DTNB: variants seen among roughly 807,000 people sequenced by gnomAD.
DTNB encodes dystrobrevin beta.
DTNB carries 63 observed loss-of-function variants against 90.7 expected under a neutral mutation model. The observed-to-expected ratio is 0.69, with a 90% CI of 0.57 to 0.86. The LOEUF (loss-of-function observed/expected upper bound fraction) is 0.86. Among genes scored for constraint, DTNB ranks in the 40% least tolerant of loss-of-function variants. The probability of loss-of-function intolerance (pLI) is 0.00; values close to 1 mark genes in which losing one functional copy is unlikely to be tolerated. For synonymous variants in DTNB, 277 were observed against 286.7 expected (o/e 0.97, Z 0.34); for missense variants, 744 against 807.1 (o/e 0.92, Z 0.95).
chr2:25,515,012 A>G (rs2074781549), intron 9 of DTNB, among the ~76,000 whole-genome samples: 1 of 152,164 alleles, frequency 6.6e-6, no homozygotes, highest in Non-Finnish European at 1.5e-5. Context: ...TTTCATTGAC[A>G]TTATTATCAT....
At chr2:25,439,503 AAAT>A (rs1371239829) in intron 12 of DTNB, among the ~76,000 whole-genome samples, 1 of 152,172 alleles carries the variant, frequency 6.6e-6, no homozygotes, top group Non-Finnish European at 1.5e-5. Flanking sequence ...CCCCGTCTCA[AAAT>A]AATAATAGGG....
chr2:25,605,384 A>G (rs1045474149), intron 5 of DTNB, among the ~76,000 whole-genome samples: 3 of 152,186 alleles, frequency 2.0e-5, no homozygotes, highest in Non-Finnish European at 2.9e-5. Flanking sequence ...GCACCACTTC[A>G]ATCTTGGTCA....
chr2:25,581,655 G>A (rs907989000), intron 6 of DTNB, among the ~76,000 whole-genome samples: 5 of 152,208 alleles, frequency 3.3e-5, no homozygotes, highest in African/African-American at 1.2e-4. Context: ...TAGAAATAGA[G>A]TTATATGATA....
At chr2:25,597,607 A>T (rs1233389004) in intron 5 of DTNB, among the ~76,000 whole-genome samples, 1 of 152,220 alleles carries the variant, frequency 6.6e-6, no homozygotes, top group African/African-American at 2.4e-5. Flanking sequence ...GAAAATCTTC[A>T]GTGTGTCCTC....
chr2:25,409,643 T>G (rs552767940), intron 16 of DTNB, among the ~76,000 whole-genome samples: 2 of 152,352 alleles, frequency 1.3e-5, no homozygotes, highest in African/African-American at 4.8e-5. Context: ...CCTAAGTTGC[T>G]GATAACTTCC....
intron 16 of DTNB, chr2:25,399,364 T>TTTTTTTTTTTTTTTTTTAC (rs70947887): frequency 6.7e-6 from 1 of 149,630 alleles, no homozygotes; most frequent in African/African-American, 2.5e-5. Flanking sequence ...TTTTTTTTTT[T>TTTTTTTTTTTTTTTTTTAC]AGACAGGATC....
At chr2:25,408,868 T>C (rs1290822605) in intron 16 of DTNB, among the ~76,000 whole-genome samples, 1 of 152,216 alleles carries the variant, frequency 6.6e-6, no homozygotes, top group Admixed American at 6.5e-5. Context: ...TAGAGACTGG[T>C]ACAGCTTCAT....
intron 4 of DTNB, among the ~76,000 whole-genome samples, chr2:25,621,672 G>C (rs960761291): frequency 7.1e-6 from 1 of 141,376 alleles, no homozygotes; most frequent in Non-Finnish European, 1.5e-5. Flanking sequence ...AGTCAGGCTG[G>C]TCTTGAACTC....
At chr2:25,615,600 G>A (rs1573459420) in intron 4 of DTNB, among the ~76,000 whole-genome samples, 2 of 152,078 alleles carry the variant, frequency 1.3e-5, no homozygotes, top group African/African-American at 4.8e-5. Flanking sequence ...TATCTACAAG[G>A]GGGTATCAGG....
chr2:25,596,276 G>A, intron 5 of DTNB, 36 bp from the exon 6 acceptor site: 1 of 1,547,064 alleles, frequency 6.5e-7, no homozygotes, highest in Non-Finnish European at 8.7e-7. Flanking sequence ...CAAGCTATAA[G>A]GAAATATCAG....
chr2:25,635,086 A>T (rs1025535732), intron 3 of DTNB, among the ~76,000 whole-genome samples: 81 of 151,602 alleles, frequency 5.3e-4, no homozygotes, highest in Admixed American at 4.4e-3. Context: ...AAAGAAAAAA[A>T]AAAAAAGAAA....
chr2:25,427,665 A>C (rs777071027), intron 14 of DTNB, 34 bp from the exon 15 acceptor site: 1 of 1,601,838 alleles, frequency 6.2e-7, no homozygotes, highest in South Asian at 1.1e-5. Flanking sequence ...AGATAAAGAG[A>C]CCCTCAAAGA....
At chr2:25,384,507 G>A (rs1455597852) in intron 18 of DTNB, among the ~76,000 whole-genome samples, 2 of 152,156 alleles carry the variant, frequency 1.3e-5, no homozygotes, top group African/African-American at 4.8e-5. Context: ...ACTTTGAATA[G>A]GAGCCTTGGA....
At chr2:25,545,191 G>A (rs1443894872) in intron 8 of DTNB, among the ~76,000 whole-genome samples, 1 of 152,052 alleles carries the variant, frequency 6.6e-6, no homozygotes, top group Admixed American at 6.5e-5. Context: ...TAATATTTTT[G>A]ATTTCTGAAA....
intron 2 of DTNB, among the ~76,000 whole-genome samples, chr2:25,641,798 A>C (rs1353549181): frequency 6.6e-6 from 1 of 152,168 alleles, no homozygotes; most frequent in Non-Finnish European, 1.5e-5. Flanking sequence ...AAAATGACAA[A>C]TGTAGAAGCC....
At chr2:25,642,931 T>G (rs539172709) in intron 2 of DTNB, among the ~76,000 whole-genome samples, 4 of 152,100 alleles carry the variant, frequency 2.6e-5, no homozygotes, top group Non-Finnish European at 5.9e-5. Context: ...TTTTGTATTT[T>G]TAGTAGAGAC....
chr2:25,646,157 TAAC>T (rs1373557893), intron 2 of DTNB, among the ~76,000 whole-genome samples: 2 of 152,088 alleles, frequency 1.3e-5, no homozygotes, highest in African/African-American at 2.4e-5. Flanking sequence ...CGGGCATTAA[TAAC>T]AACACAGACT....
chr2:25,382,720 G>A (rs527610285), intron 19 of DTNB, among the ~76,000 whole-genome samples: 1 of 151,772 alleles, frequency 6.6e-6, no homozygotes, highest in Non-Finnish European at 1.5e-5. Flanking sequence ...GTAGAGACAG[G>A]GTTTCACCAT....
intron 9 of DTNB, among the ~76,000 whole-genome samples, chr2:25,506,357 TG>T (rs1442979478): frequency 2.6e-5 from 4 of 152,236 alleles, no homozygotes; most frequent in South Asian, 2.1e-4. Flanking sequence ...AATACCGAGT[TG>T]TTTTTTTTTT....
Sources: gnomAD v4.1 joint callset for allele counts (sites outside exome capture counted in the v4.1 genomes callset) on GRCh38, gnomAD v4.1.1 for gene constraint, MANE v1.5 for transcripts, NCBI Gene and HGNC (gene_info 2026-07-23, HGNC 2026-07-21) for gene names.